CHODL: variants seen among roughly 807,000 people sequenced by gnomAD.
The protein encoded by CHODL is chondrolectin, also known as transmembrane protein MT75.
CHODL carries 29 observed loss-of-function variants against 34.5 expected under a neutral mutation model. The ratio of observed to expected loss-of-function variants is 0.84; its 90% CI spans 0.63 to 1.15. CHODL has a LOEUF of 1.15. CHODL is among the 50% of genes most tolerant of loss of function. The probability of loss-of-function intolerance (pLI) is 0.00; values close to 1 mark genes in which losing one functional copy is unlikely to be tolerated. For missense variants in CHODL, 332 were observed against 332.5 expected (o/e 1.00, Z 0.01); for synonymous variants, 125 against 116.1 (o/e 1.08, Z -0.49).
chr21:18,090,351 G>T (rs910696548), intron 2 of CHODL, among the ~76,000 whole-genome samples: 7 of 152,106 alleles, frequency 4.6e-5, no homozygotes, highest in Non-Finnish European at 1.0e-4. Context: ...ATTTATAGTG[G>T]ATCCAAGAGC....
In CHODL at chr21:18,146,134, A is replaced by T. The variant is rs74604068; in HGVS notation, c.-44-110375A>T. Reference sequence around the variant, plus strand: ...CATTGCCCGCCACCACGCCCGGTTAATTTTTTTTTTTTTTTTGTATTTTTA... The same window carrying T: ...CATTGCCCGCCACCACGCCCGGTTATTTTTTTTTTTTTTTTTGTATTTTTA... On this transcript the variant is annotated intron_variant, in intron 2 of 6. Transcript: ENST00000400127. Among the ~76,000 whole-genome samples the T allele has an allele frequency of 1.8e-3, 251 of 139,554 alleles. 7 individuals are homozygous for T. The East Asian group carries it at 0.05, about 28-fold the overall frequency. 91.6% of individuals were successfully genotyped at this position (139,554 alleles called of 152,430 possible). A position where few individuals can be genotyped will look rare whatever the true frequency, so the allele number is the denominator to read the frequency against.
At chr21:18,081,246 T>A (rs923883244) in intron 2 of CHODL, among the ~76,000 whole-genome samples, 7 of 152,200 alleles carry the variant, frequency 4.6e-5, no homozygotes, top group Non-Finnish European at 7.3e-5. Flanking sequence ...AGTCTCCAGA[T>A]GTTACTAGAT....
intron 1 of CHODL, among the ~76,000 whole-genome samples, chr21:18,016,118 G>T (rs958908200): frequency 3.9e-5 from 6 of 152,216 alleles, no homozygotes; most frequent in African/African-American, 1.4e-4. Context: ...AGACAATGGG[G>T]AAAATCCCTC....
chr21:18,127,871 C>T (rs2072594759), intron 2 of CHODL, among the ~76,000 whole-genome samples: 1 of 151,664 alleles, frequency 6.6e-6, no homozygotes, highest in Non-Finnish European at 1.5e-5. Context: ...ACCTGTGGGA[C>T]ACCGTCAAAC....
chr21:18,157,275 A>C (rs1269028781), intron 2 of CHODL, among the ~76,000 whole-genome samples: 1 of 152,190 alleles, frequency 6.6e-6, no homozygotes, highest in East Asian at 1.9e-4. Flanking sequence ...TGGTGTATTT[A>C]TTTATTATCC....
intron 2 of CHODL, among the ~76,000 whole-genome samples, chr21:18,197,271 G>C (rs1353794982): frequency 4.6e-5 from 7 of 152,138 alleles, no homozygotes; most frequent in Non-Finnish European, 1.0e-4. Context: ...GAAGGATAAT[G>C]TATGAAACCA....
Position 18,181,626 on chromosome 21 carries a change from G to A in CHODL, c.-44-74883G>A, listed in dbSNP as rs372205340. Among the ~76,000 whole-genome samples the A allele has an allele frequency of 7.9e-5, 12 of 152,248 alleles. No homozygotes were observed. The South Asian group carries it at 1.7e-3, about 21-fold the overall frequency. ...ACCGTGGTCTGGATATCCTGACCTC[G>A]TGATCCGACTGCCTTGGCTTCCCAA... On this transcript the variant is annotated intron_variant, in intron 2 of 6. Transcript: ENST00000400127.
At chr21:18,175,777 C>A (rs946491622) in intron 2 of CHODL, among the ~76,000 whole-genome samples, 6 of 152,062 alleles carry the variant, frequency 3.9e-5, no homozygotes, top group African/African-American at 9.7e-5. Context: ...GGAAAGTCCT[C>A]TTTGAGGAGA....
chr21:18,218,413 G>A (rs1184399287), intron 2 of CHODL, among the ~76,000 whole-genome samples: 1 of 152,198 alleles, frequency 6.6e-6, no homozygotes, highest in African/African-American at 2.4e-5. Flanking sequence ...AGCTTGAGTG[G>A]CTGGGATGTA....
At position 18,244,897 on chromosome 21, in the gene CHODL, A is replaced by C; in HGVS notation, c.-327A>C. The C allele has an allele frequency of 3.6e-6, 1 of 281,234 alleles. No homozygotes were observed. The highest frequency in any genetic ancestry group is 6.6e-6 in the Non-Finnish European group (1 of 151,886). The allele number at this position is 281,234 out of a possible 1,614,324, so 17.4% of individuals were successfully genotyped here. ...CCTCTCACTTGTCAGAGGCCGGGGAAGAGAAGCAAAGCGCAACGGTGTGGT... is the reference window on the plus strand; with the variant it reads ...CCTCTCACTTGTCAGAGGCCGGGGACGAGAAGCAAAGCGCAACGGTGTGGT... On this transcript the variant is annotated 5_prime_UTR_variant, in exon 1 of 6. Coordinates refer to ENST00000299295, the MANE Select transcript of CHODL (RefSeq NM_024944.3).
At chr21:18,014,994 G>A (rs1278790081) in intron 1 of CHODL, among the ~76,000 whole-genome samples, 1 of 152,208 alleles carries the variant, frequency 6.6e-6, no homozygotes, top group East Asian at 1.9e-4. Context: ...GAAGAGTTCG[G>A]AAGGCTTAGA....
intron 1 of CHODL, among the ~76,000 whole-genome samples, chr21:17,917,751 G>A (rs1202708374): frequency 1.3e-5 from 2 of 152,126 alleles, no homozygotes; most frequent in Non-Finnish European, 1.5e-5. Context: ...TCTATCTGCT[G>A]GGACACAGAG....
At position 17,975,505 on chromosome 21, in the gene CHODL, A is replaced by T. The variant is rs557412991; in HGVS notation, c.-144-52367A>T. The stretch of plus-strand genomic sequence containing the variant: ...GTTTTATAAAGCCTTGCAATGGCTG[A>T]TTCCTGCCTATTTTTCTACATCATA... On this transcript the variant is annotated intron_variant, in intron 1 of 6. Transcript: ENST00000400127. Among the ~76,000 whole-genome samples the T allele has an allele frequency of 2.0e-5, 3 of 152,252 alleles. No homozygotes were observed. The East Asian group carries it at 5.8e-4, about 29-fold the overall frequency.
chr21:18,000,114 CTG>C (rs1385977580), intron 1 of CHODL, among the ~76,000 whole-genome samples: 1 of 152,102 alleles, frequency 6.6e-6, no homozygotes, highest in African/African-American at 2.4e-5. Context: ...TGGGCTTTCG[CTG>C]TCTGTTTTTC....
At chr21:18,261,975 A>T (rs113986172) in intron 4 of CHODL, among the ~76,000 whole-genome samples, 2 of 151,942 alleles carry the variant, frequency 1.3e-5, no homozygotes, top group African/African-American at 4.8e-5. Context: ...CACTAAGCTT[A>T]TTGGCTAGGT....
chr21:18,188,307 T>G (rs1191767793), intron 2 of CHODL, among the ~76,000 whole-genome samples: 1 of 152,162 alleles, frequency 6.6e-6, no homozygotes, highest in Non-Finnish European at 1.5e-5. Flanking sequence ...CTCATCTATA[T>G]TCATCTCTGA....
chr21:18,077,626 A>C (rs1600972708), intron 2 of CHODL, among the ~76,000 whole-genome samples: 1 of 152,276 alleles, frequency 6.6e-6, no homozygotes, highest in Admixed American at 6.5e-5. Context: ...TAGTGCCCTT[A>C]CAATAGAGAC....
At chr21:18,123,932 C>T (rs1386126009) in intron 2 of CHODL, among the ~76,000 whole-genome samples, 1 of 152,102 alleles carries the variant, frequency 6.6e-6, no homozygotes, top group East Asian at 1.9e-4. Flanking sequence ...CCTGTAATCC[C>T]AGCATTTTGG....
At chr21:17,941,746 A>G (rs1195293685) in intron 1 of CHODL, among the ~76,000 whole-genome samples, 2 of 152,218 alleles carry the variant, frequency 1.3e-5, no homozygotes, top group African/African-American at 2.4e-5. Flanking sequence ...ACAAAATACC[A>G]TAAACTGGGT....
Sources: gnomAD v4.1 joint callset for allele counts (sites outside exome capture counted in the v4.1 genomes callset) on GRCh38, gnomAD v4.1.1 for gene constraint, MANE v1.5 for transcripts, NCBI Gene and HGNC (gene_info 2026-07-23, HGNC 2026-07-21) for gene names.